The following GULP1 variants were observed in gnomAD, a reference collection of about 807,000 sequenced individuals.
GULP1 encodes the protein PTB domain-containing engulfment adapter protein 1.
Under a neutral mutation model 40.9 loss-of-function variants are expected in GULP1, and 19 were observed. The observed-to-expected ratio is 0.46, with a 90% CI of 0.32 to 0.68. The LOEUF (loss-of-function observed/expected upper bound fraction) is 0.68, where lower values mean the gene tolerates loss of function less well. Among genes scored for constraint, GULP1 ranks in the 30% least tolerant of loss-of-function variants. GULP1 has a pLI of 0.03. For missense variants in GULP1, 312 were observed against 362.2 expected (o/e 0.86, Z 1.12); for synonymous variants, 119 against 117.6 (o/e 1.01, Z -0.08).
chr2:188,414,617 G>A (rs966174839), intron 2 of GULP1, among the ~76,000 whole-genome samples: 8 of 152,154 alleles, frequency 5.3e-5, no homozygotes, highest in African/African-American at 1.4e-4. Context: ...AAAGGCTAAC[G>A]TGTCAGTAGC....
chr2:188,458,382 A>G (rs1293124757), intron 2 of GULP1, among the ~76,000 whole-genome samples: 5 of 151,902 alleles, frequency 3.3e-5, no homozygotes, highest in Non-Finnish European at 5.9e-5. Context: ...TCCATTTCCT[A>G]CCTTATTTCT....
intron 4 of GULP1, among the ~76,000 whole-genome samples, chr2:188,515,651 G>A (rs1472118530): frequency 6.6e-6 from 1 of 151,614 alleles, no homozygotes; most frequent in African/African-American, 2.4e-5. Flanking sequence ...TAATATGTGT[G>A]TCTGTGATCT....
chr2:188,487,809 C>T (rs550624208), intron 4 of GULP1, among the ~76,000 whole-genome samples: 3 of 151,900 alleles, frequency 2.0e-5, no homozygotes, highest in Admixed American at 6.6e-5. Flanking sequence ...ACATATGACA[C>T]GTGCACTGTT....
chr2:188,581,211 C>T lies in GULP1; in HGVS notation c.610-3054C>T, dbSNP rs115078879. ...GAGGGTCTTGGAGACCACTTTTCTC[C>T]AGTATGACTCAGTATTCAGTACTTT... is the stretch of plus-strand genomic sequence containing the variant. On this transcript the variant is annotated intron_variant, in intron 9 of 11. Transcript: ENST00000409830. 4.5e-3 allele frequency among the ~76,000 whole-genome samples: 688 copies of T among 152,276 alleles called. 8 individuals carry two copies. Among genetic ancestry groups the T allele is most frequent in the African/African-American group, 0.016 (657 of 41,554 alleles).
chr2:188,482,649 G>A (rs1296626809), intron 3 of GULP1, among the ~76,000 whole-genome samples: 2 of 151,220 alleles, frequency 1.3e-5, no homozygotes, highest in African/African-American at 2.4e-5. Context: ...AAATATGTGG[G>A]CTATATTAAT....
At chr2:188,419,634 A>G (rs536336597) in intron 2 of GULP1, among the ~76,000 whole-genome samples, 64 of 150,602 alleles carry the variant, frequency 4.2e-4, no homozygotes, top group Non-Finnish European at 6.9e-4. Context: ...GTCTTGCAGT[A>G]TTTCCTCCCA....
chr2:188,524,929 A>C (rs2153229198), intron 5 of GULP1, among the ~76,000 whole-genome samples: 1 of 151,936 alleles, frequency 6.6e-6, no homozygotes, highest in Non-Finnish European at 1.5e-5. Context: ...ATATTAATGT[A>C]ATGGCTTCTG....
At chr2:188,405,013 C>A (rs1191332471) in intron 2 of GULP1, among the ~76,000 whole-genome samples, 2 of 152,182 alleles carry the variant, frequency 1.3e-5, no homozygotes, top group Non-Finnish European at 1.5e-5. Flanking sequence ...CCAGCAGACT[C>A]AGCCAGGGTC....
chr2:188,396,062 T>C (rs982519569), intron 2 of GULP1, among the ~76,000 whole-genome samples: 25 of 152,220 alleles, frequency 1.6e-4, no homozygotes, highest in Non-Finnish European at 3.2e-4. Context: ...TGCTGTGTTA[T>C]TCTGCCTGCA....
chr2:188,433,276 G>A (rs1421161284), intron 2 of GULP1, among the ~76,000 whole-genome samples: 1 of 151,980 alleles, frequency 6.6e-6, no homozygotes, highest in African/African-American at 2.4e-5. Flanking sequence ...TAAATGATTT[G>A]TTTATATATA....
At chr2:188,505,661 G>T (rs950550062) in intron 4 of GULP1, among the ~76,000 whole-genome samples, 14 of 151,710 alleles carry the variant, frequency 9.2e-5, no homozygotes, top group African/African-American at 3.4e-4. Flanking sequence ...GCCATTCTGG[G>T]CTAGTAATAG....
intron 1 of GULP1, among the ~76,000 whole-genome samples, chr2:188,361,561 T>G (rs916604208): frequency 1.3e-5 from 2 of 152,076 alleles, no homozygotes; most frequent in African/African-American, 2.4e-5. Flanking sequence ...GACTTTAACA[T>G]CATTACAGAA....
chr2:188,301,257 T>C (rs2036082251), intron 1 of GULP1, among the ~76,000 whole-genome samples: 1 of 152,152 alleles, frequency 6.6e-6, no homozygotes, highest in Admixed American at 6.5e-5. Context: ...CTCCTGGGCT[T>C]AAACAATTCT....
chr2:188,454,759 T>A (rs1219004839), intron 2 of GULP1, among the ~76,000 whole-genome samples: 1 of 152,064 alleles, frequency 6.6e-6, no homozygotes, highest in Non-Finnish European at 1.5e-5. Context: ...TGTGACGAAA[T>A]CCACATTAGG....
At chr2:188,482,208 T>C (rs1248715408) in intron 3 of GULP1, among the ~76,000 whole-genome samples, 1 of 151,936 alleles carries the variant, frequency 6.6e-6, no homozygotes, top group African/African-American at 2.4e-5. Context: ...ATACAGTGCA[T>C]TATTATTCAA....
intron 1 of GULP1, among the ~76,000 whole-genome samples, chr2:188,351,438 GA>G (rs1416202176): frequency 6.6e-6 from 1 of 152,058 alleles, no homozygotes; most frequent in African/African-American, 2.4e-5. Context: ...GAGTAACTAT[GA>G]GGGGTAGTAG....
intron 2 of GULP1, among the ~76,000 whole-genome samples, chr2:188,443,347 C>A (rs965690446): frequency 6.6e-6 from 1 of 152,124 alleles, no homozygotes; most frequent in East Asian, 1.9e-4. Flanking sequence ...GTTTATTTTA[C>A]CTCCTGATTC....
At chr2:188,585,621 G>T (rs1304064650) in intron 10 of GULP1, among the ~76,000 whole-genome samples, 2 of 152,170 alleles carry the variant, frequency 1.3e-5, no homozygotes, top group Non-Finnish European at 2.9e-5. Flanking sequence ...CTGTATCTTG[G>T]CCCCTTTTAG....
intron 9 of GULP1, among the ~76,000 whole-genome samples, chr2:188,583,947 A>T (rs916690270): frequency 2.0e-5 from 3 of 152,230 alleles, no homozygotes; most frequent in Non-Finnish European, 4.4e-5. Flanking sequence ...TGTTACAAGT[A>T]GCAGTCATTT....
Sources: allele counts gnomAD v4.1 joint callset (sites outside exome capture counted in the v4.1 genomes callset), GRCh38; gene constraint gnomAD v4.1.1; transcripts MANE v1.5; gene names NCBI Gene and HGNC (gene_info 2026-07-23, HGNC 2026-07-21).